Variants in AK5 observed in about 807,000 individuals in gnomAD.
The protein encoded by AK5 is adenylate kinase 5.
Under a neutral mutation model 69.5 loss-of-function variants are expected in AK5, and 27 were observed. That is an observed-to-expected ratio of 0.39 (90% CI 0.29 to 0.54). The LOEUF (loss-of-function observed/expected upper bound fraction) is 0.54. AK5 is among the 20% of genes least tolerant of loss of function. AK5 has a pLI of 0.71. For synonymous variants in AK5, 260 were observed against 244.4 expected, an observed-to-expected ratio of 1.06 and a Z score of -0.60; for missense variants, 531 against 700.4, an observed-to-expected ratio of 0.76 and a Z score of 2.73.
At chr1:77,545,531 T>G (rs549035691) in intron 13 of AK5, among the ~76,000 whole-genome samples, 2 of 152,266 alleles carry the variant, frequency 1.3e-5, no homozygotes, top group Non-Finnish European at 1.5e-5. Context: ...AACGATGCAG[T>G]GGAAAGACAT....
chr1:77,414,823 G>C (rs1650286956), intron 7 of AK5, among the ~76,000 whole-genome samples: 1 of 152,134 alleles, frequency 6.6e-6, no homozygotes, highest in Admixed American at 6.6e-5. Flanking sequence ...AAAGAAGGCA[G>C]TAATGTGTAC....
intron 2 of AK5, among the ~76,000 whole-genome samples, chr1:77,288,324 C>G (rs1658480708): frequency 6.6e-6 from 1 of 152,110 alleles, no homozygotes; most frequent in Non-Finnish European, 1.5e-5. Context: ...CAGTTCAAAT[C>G]AGGGGGAACT....
At chr1:77,384,245 A>T (rs1219190476) in intron 6 of AK5, among the ~76,000 whole-genome samples, 1 of 152,220 alleles carries the variant, frequency 6.6e-6, no homozygotes, top group Non-Finnish European at 1.5e-5. Flanking sequence ...GCTGTAGAGT[A>T]TATTCATACA....
At chr1:77,338,455 G>A (rs987911650) in intron 5 of AK5, among the ~76,000 whole-genome samples, 3 of 152,174 alleles carry the variant, frequency 2.0e-5, no homozygotes, top group African/African-American at 7.2e-5. Flanking sequence ...TTAATTTTTG[G>A]TCTTGCTGAG....
At chr1:77,359,031 G>A (rs530999330) in intron 6 of AK5, among the ~76,000 whole-genome samples, 256 of 151,942 alleles carry the variant, frequency 1.7e-3, no homozygotes, top group African/African-American at 4.7e-3. Flanking sequence ...TGAGGCGGGC[G>A]GATCACGAGG....
chr1:77,421,253 A>G (rs1409081877), intron 8 of AK5, among the ~76,000 whole-genome samples: 1 of 152,106 alleles, frequency 6.6e-6, no homozygotes, highest in Non-Finnish European at 1.5e-5. Flanking sequence ...AGACAACTAT[A>G]TTATTATTAT....
intron 12 of AK5, among the ~76,000 whole-genome samples, chr1:77,522,985 G>A (rs928115724): frequency 2.0e-5 from 3 of 152,094 alleles, no homozygotes; most frequent in African/African-American, 7.2e-5. Context: ...CTTCCCCATG[G>A]CCACACAGCT....
At chr1:77,331,745 C>CT (rs1300455067) in intron 5 of AK5, among the ~76,000 whole-genome samples, 3 of 152,158 alleles carry the variant, frequency 2.0e-5, no homozygotes, top group East Asian at 1.9e-4. Flanking sequence ...AAAATATTCC[C>CT]TTTTTTTGGT....
At chr1:77,470,875 A>ATTTTTT (rs149758544) in intron 8 of AK5, among the ~76,000 whole-genome samples, 2 of 74,968 alleles carry the variant, frequency 2.7e-5, no homozygotes, top group African/African-American at 1.3e-4. Context: ...ATATATATAT[A>ATTTTTT]TTTTTTTTTT....
intron 6 of AK5, among the ~76,000 whole-genome samples, chr1:77,389,027 T>C (rs1256905046): frequency 6.6e-6 from 1 of 152,182 alleles, no homozygotes; most frequent in African/African-American, 2.4e-5. Context: ...TTACTGATAG[T>C]CAAGCAGCAT....
chr1:77,400,933 TAAAAAAAAAA>T (rs71689422), intron 6 of AK5, among the ~76,000 whole-genome samples: 4 of 115,320 alleles, frequency 3.5e-5, no homozygotes, highest in East Asian at 2.6e-4. Context: ...TTCATTCTGT[TAAAAAAAAAA>T]AAAAAAAAAA....
chr1:77,471,352 G>A (rs1032474081), intron 8 of AK5, among the ~76,000 whole-genome samples: 1 of 152,186 alleles, frequency 6.6e-6, no homozygotes, highest in Non-Finnish European at 1.5e-5. Flanking sequence ...GTTGGCTGCT[G>A]TGGTAAGCAA....
intron 6 of AK5, among the ~76,000 whole-genome samples, chr1:77,396,391 A>G (rs1453600520): frequency 6.6e-6 from 1 of 152,236 alleles, no homozygotes; most frequent in Non-Finnish European, 1.5e-5. Flanking sequence ...CAAAGAGCCC[A>G]GTAGCCCAGT....
intron 5 of AK5, among the ~76,000 whole-genome samples, chr1:77,323,104 C>A (rs1660617547): frequency 6.6e-6 from 1 of 151,998 alleles, no homozygotes; most frequent in Non-Finnish European, 1.5e-5. Context: ...TCTCCTGCCT[C>A]AGCCTCCTCA....
At chr1:77,343,022 G>A (rs192292708) in intron 6 of AK5, among the ~76,000 whole-genome samples, 4 of 152,114 alleles carry the variant, frequency 2.6e-5, no homozygotes. Flanking sequence ...TCACTATATA[G>A]TAAGCTCCAG....
intron 8 of AK5, among the ~76,000 whole-genome samples, chr1:77,420,581 T>C (rs922641961): frequency 1.3e-5 from 2 of 152,186 alleles, no homozygotes; most frequent in African/African-American, 2.4e-5. Context: ...GCTCTGTTAA[T>C]CCCTAATTTG....
intron 8 of AK5, among the ~76,000 whole-genome samples, chr1:77,452,192 T>C (rs1227412140): frequency 6.6e-6 from 1 of 152,248 alleles, no homozygotes; most frequent in African/African-American, 2.4e-5. Flanking sequence ...TATATGTATC[T>C]TTTTGTTTGT....
chr1:77,545,142 C>A (rs1659475732), intron 13 of AK5, among the ~76,000 whole-genome samples: 1 of 152,172 alleles, frequency 6.6e-6, no homozygotes, highest in Non-Finnish European at 1.5e-5. Flanking sequence ...TTAACAATGC[C>A]CTTCACAACC....
chr1:77,357,760 A>C (rs1662610170), intron 6 of AK5, among the ~76,000 whole-genome samples: 1 of 152,200 alleles, frequency 6.6e-6, no homozygotes, highest in Non-Finnish European at 1.5e-5. Context: ...ATTTTAATGA[A>C]GACATTTTTC....
Sources: gnomAD v4.1 joint callset for allele counts (sites outside exome capture counted in the v4.1 genomes callset) on GRCh38, gnomAD v4.1.1 for gene constraint, MANE v1.5 for transcripts, NCBI Gene and HGNC (gene_info 2026-07-23, HGNC 2026-07-21) for gene names.